The following KRABD2 variants were observed in gnomAD, a reference collection of about 807,000 sequenced individuals.
KRABD2 encodes KRAB domain containing 2, also known as KRAB domain-containing protein 2.
chr17:8,374,628 T>TAAAAAAAAAAAAAA, the KRABD2 span, among the ~76,000 whole-genome samples: 1 of 71,428 alleles, frequency 1.4e-5, no homozygotes, highest in Non-Finnish European at 2.7e-5. Context: ...CAATAAATAC[T>TAAAAAAAAAAAAAA]AAAAAAAAAA....
At chr17:8,373,212 C>T in the KRABD2 span, among the ~76,000 whole-genome samples, 1 of 152,182 alleles carries the variant, frequency 6.6e-6, no homozygotes, top group Non-Finnish European at 1.5e-5. Flanking sequence ...CCACGGTCTC[C>T]CTCTGATGCC....
chr17:8,362,339 AAAG>A, the KRABD2 span, among the ~76,000 whole-genome samples: 1 of 152,184 alleles, frequency 6.6e-6, no homozygotes, highest in Non-Finnish European at 1.5e-5. This position sits in a 1 kb window ranked among gnomAD's most constrained non-coding sequence, Gnocchi z 4.2. Flanking sequence ...CAAAAAAAAA[AAAG>A]AAAATGAATT....
the KRABD2 span, chr17:8,371,379 ATAAT>A: frequency 1.9e-6 from 3 of 1,614,054 alleles, no homozygotes; most frequent in Admixed American, 3.3e-5. Flanking sequence ...AGCCTTCTAA[ATAAT>A]TCCAATCTTT....
At chr17:8,376,703 C>A in the KRABD2 span, 2 of 984,328 alleles carry the variant, frequency 2.0e-6, no homozygotes, top group East Asian at 2.3e-4. Context: ...AGCAGCAACT[C>A]CGCCCCACCT....
the KRABD2 span, among the ~76,000 whole-genome samples, chr17:8,363,642 T>C: frequency 3.3e-5 from 5 of 151,156 alleles, no homozygotes; most frequent in African/African-American, 1.2e-4. Context: ...CCACTGCACC[T>C]AGCCTATTTT....
the KRABD2 span, chr17:8,376,398 A>G: frequency 1.8e-6 from 2 of 1,137,168 alleles, no homozygotes; most frequent in Non-Finnish European, 2.2e-6. Context: ...AGATTCAATG[A>G]TAATGCAGAT....
the KRABD2 span, among the ~76,000 whole-genome samples, chr17:8,370,740 T>G: frequency 4.6e-5 from 7 of 152,218 alleles, no homozygotes; most frequent in African/African-American, 1.7e-4. Flanking sequence ...GGCAGTAGGC[T>G]AAAATCTTAC....
chr17:8,362,951 T>G, the KRABD2 span, among the ~76,000 whole-genome samples: 12 of 152,276 alleles, frequency 7.9e-5, no homozygotes, highest in Admixed American at 5.2e-4. The surrounding 1 kb of genome is among the most constrained non-coding windows in gnomAD (Gnocchi z 4.2). Context: ...AACAAATTTC[T>G]GCCGAAGTTC....
the KRABD2 span, among the ~76,000 whole-genome samples, chr17:8,359,176 G>A: frequency 4.6e-5 from 7 of 152,156 alleles, no homozygotes; most frequent in Non-Finnish European, 1.0e-4. Context: ...TTCAAGTAGC[G>A]CATCTGTGGT....
chr17:8,363,830 CATATATATATATATATAT>C, the KRABD2 span, among the ~76,000 whole-genome samples: 106 of 86,982 alleles, frequency 1.2e-3, 3 homozygotes, highest in African/African-American at 5.2e-3. Context: ...ATATATCATA[CATATATATATATATATAT>C]ATATATATAT....
the KRABD2 span, chr17:8,371,955 C>A: frequency 1.0e-6 from 1 of 988,670 alleles, no homozygotes; most frequent in South Asian, 4.6e-5. Context: ...TCAGAACAGC[C>A]GTAAGACAGG....
At chr17:8,374,581 G>A in the KRABD2 span, among the ~76,000 whole-genome samples, 4 of 142,108 alleles carry the variant, frequency 2.8e-5, no homozygotes, top group South Asian at 8.7e-4. Context: ...CTATGACCGT[G>A]CCAAATCCCC....
At chr17:8,369,616 G>C in the KRABD2 span, 1 of 1,614,078 alleles carries the variant, frequency 6.2e-7, no homozygotes, top group East Asian at 2.2e-5. Context: ...TGAACAACCT[G>C]GTTTGTGAAC....
chr17:8,361,088 G>C, the KRABD2 span, among the ~76,000 whole-genome samples: 1 of 152,158 alleles, frequency 6.6e-6, no homozygotes, highest in Non-Finnish European at 1.5e-5. Flanking sequence ...TACCCCTAGA[G>C]CTGCAGACAA....
At chr17:8,371,974 G>A in the KRABD2 span, 2 of 986,286 alleles carry the variant, frequency 2.0e-6, no homozygotes, top group Non-Finnish European at 1.2e-6. Context: ...GGATGGTGAT[G>A]AGGCCAGGGG....
chr17:8,372,478 G>A, the KRABD2 span, among the ~76,000 whole-genome samples: 1 of 152,110 alleles, frequency 6.6e-6, no homozygotes, highest in Non-Finnish European at 1.5e-5. This position sits in a 1 kb window ranked among gnomAD's most constrained non-coding sequence, Gnocchi z 4.1. Flanking sequence ...GCCTCCCAAA[G>A]TGAGGTTTTG....
At chr17:8,371,921 G>A in the KRABD2 span, 2,030 of 992,750 alleles carry the variant, frequency 2.0e-3, 8 homozygotes, top group South Asian at 0.018. Context: ...TTGATACTCA[G>A]TTGTCTAAAC....
the KRABD2 span, chr17:8,376,395 A>G: frequency 1.7e-6 from 2 of 1,145,046 alleles, no homozygotes; most frequent in Non-Finnish European, 2.1e-6. Flanking sequence ...TGAAGATTCA[A>G]TGATAATGCA....
the KRABD2 span, among the ~76,000 whole-genome samples, chr17:8,374,669 G>A: frequency 1.3e-4 from 20 of 149,518 alleles, no homozygotes; most frequent in Admixed American, 5.3e-4. Flanking sequence ...TGATTCGGCC[G>A]GGCGTGGGGG....
Sources: allele counts gnomAD v4.1 joint callset (sites outside exome capture counted in the v4.1 genomes callset), GRCh38; gene constraint gnomAD v4.1.1; non-coding constraint Gnocchi (gnomAD v3.1); transcripts MANE v1.5; gene names NCBI Gene and HGNC (gene_info 2026-07-23, HGNC 2026-07-21).